The following TBX2 variants were observed in gnomAD, a reference collection of about 807,000 sequenced individuals.
The protein encoded by TBX2 is T-box transcription factor TBX2.
A neutral mutation model predicts 48.4 loss-of-function variants in TBX2; 19 were observed. That is an observed-to-expected ratio of 0.39 (90% CI 0.27 to 0.58). The LOEUF is 0.58. Ranked by LOEUF, TBX2 falls within the 20% of genes least tolerant of loss-of-function variation. The probability of loss-of-function intolerance (pLI) is 0.54; values close to 1 mark genes in which losing one functional copy is unlikely to be tolerated. For missense variants in TBX2, 994 were observed against 1,006.5 expected (o/e 0.99, Z 0.17); for synonymous variants, 522 against 459.7 (o/e 1.14, Z -1.73).
rs1231627362 is a variant in TBX2, at chr17:61,408,315, G to A, written c.1948G>A (p.Gly650Ser). The A allele has an allele frequency of 8.7e-6, 14 of 1,611,190 alleles. No homozygotes were observed. Among genetic ancestry groups the A allele is most frequent in the Non-Finnish European group, 1.2e-5 (14 of 1,179,352 alleles). ...GLASEGSKAA[G>S]GNSREPSPLP... is the part of the protein sequence containing the mutation. Reference sequence around the variant, plus strand: ...GGCCTCTGAGGGCTCCAAGGCCGCTGGTGGAAACAGCCGGGAGCCTAGCCC... The same window carrying A: ...GGCCTCTGAGGGCTCCAAGGCCGCTAGTGGAAACAGCCGGGAGCCTAGCCC... Residue 650 changes from glycine to serine, a missense_variant, in exon 7 of 7, where the codon GGT (glycine) becomes AGT (serine). This residue lies in a region of TBX2 where 639 missense variants were observed against 613.2 expected (regional missense o/e 1.04). Transcript: ENST00000240328.
chr17:61,408,523 TC>T lies in TBX2; in HGVS notation c.*21del, dbSNP rs1009042266. 3.8e-5 allele frequency: 55 copies of T among 1,431,812 alleles called. No homozygotes were observed. Among genetic ancestry groups the T allele is most frequent in the Middle Eastern group, 2.5e-4 (1 of 3,950 alleles). The allele number at this position is 1,431,812 out of a possible 1,614,324, so 88.7% of individuals were successfully genotyped here. ...CCCAAGTGAGGGGCTGCCCAGCTGC[TC>T]CCCTGCCACGCAGGCCACCCGGGCT... On this transcript the variant is annotated 3_prime_UTR_variant, in exon 7 of 7. Transcript: ENST00000240328.
Position 61,400,318 on chromosome 17 carries a change from C to T in TBX2, c.142C>T (p.Leu48=), listed in dbSNP as rs2060258838. The change falls in exon 1 of 7, where the codon CTG becomes TTG. Residue 48 remains leucine, a synonymous_variant. Transcript: ENST00000240328. This position sits in a 1 kb window ranked among gnomAD's most constrained non-coding sequence, Gnocchi z 9.2. Reference sequence around the variant, plus strand: ...GGCACTCGCGCTGCCGCCCGGCGCGCTGGCCAAGCCGCTGCCCGACCCGGG... The same window carrying T: ...GGCACTCGCGCTGCCGCCCGGCGCGTTGGCCAAGCCGCTGCCCGACCCGGG... ...FPALALPPGA[L]AKPLPDPGLA... 2 of 1,042,316 alleles carry T rather than the reference C, an allele frequency of 1.9e-6. No homozygotes were observed. Among genetic ancestry groups the T allele is most frequent in the Non-Finnish European group, 2.3e-6 (2 of 860,700 alleles). 64.6% of individuals were successfully genotyped at this position (1,042,316 alleles called of 1,614,324 possible).
At position 61,409,133 on chromosome 17, in the gene TBX2, G is replaced by A. The variant is rs534697115; in HGVS notation, c.*627G>A. On this transcript the variant is annotated 3_prime_UTR_variant, in exon 7 of 7. Coordinates refer to ENST00000240328, the MANE Select transcript of TBX2 (RefSeq NM_005994.4). ...GTAATTTGTGTAAATAAGCTTTAAG[G>A]TTCCCAGAATATGCAAATTGGTATT... The A allele has an allele frequency of 2.0e-5, 3 of 152,680 alleles. No individual in the cohort carries two copies. Among genetic ancestry groups the A allele is most frequent in the African/African-American group, 7.2e-5 (3 of 41,562 alleles). The allele number at this position is 152,680 out of a possible 1,614,324, so 9.5% of individuals were successfully genotyped here. A position where few individuals can be genotyped will look rare whatever the true frequency, so the allele number is the denominator to read the frequency against.
In TBX2 at chr17:61,400,319, TG is replaced by T; in HGVS notation, c.145del (p.Ala49ProfsTer59). 9.6e-7 allele frequency: 1 copy of T among 1,042,108 alleles called. No individual in the cohort carries two copies. The highest frequency in any genetic ancestry group is 4.2e-4 in the Middle Eastern group (1 of 2,408). The allele number at this position is 1,042,108 out of a possible 1,614,324, so 64.6% of individuals were successfully genotyped here. ...FPALALPPGA[L>X]AKPLPDPGLA... ...GCACTCGCGCTGCCGCCCGGCGCGC[TG>T]GCCAAGCCGCTGCCCGACCCGGGCC... On this transcript the variant is annotated frameshift_variant, in exon 1 of 7. Coordinates refer to ENST00000240328, the MANE Select transcript of TBX2 (RefSeq NM_005994.4). LOFTEE classifies it high-confidence loss of function. This position sits in a 1 kb window ranked among gnomAD's most constrained non-coding sequence, Gnocchi z 9.2.
Position 61,405,556 on chromosome 17 carries a change from C to A in TBX2, c.1406C>A (p.Ala469Asp), listed in dbSNP as rs2060285294. 1 of 1,596,858 alleles carries A rather than the reference C, an allele frequency of 6.3e-7. No individual in the cohort carries two copies. The highest frequency in any genetic ancestry group is 1.1e-5 in the South Asian group (1 of 88,840). ...PLGAGHLPGL[A>D]FSSHLHGQQF... is the part of the protein sequence containing the mutation. ...GGCGCCGGACACCTGCCCGGCCTGG[C>A]CTTTTCCAGCCACTTGCACGGGCAG... is the stretch of plus-strand genomic sequence containing the variant. The change falls in exon 6 of 7, where the codon GCC (alanine) becomes GAC (aspartate). Residue 469 changes from alanine (A) to aspartate (D), a missense_variant. Physicochemically the swap from Ala to Asp is moderately radical, Grantham distance 126. Coordinates refer to ENST00000240328, the MANE Select transcript of TBX2 (RefSeq NM_005994.4).
Position 61,403,297 on chromosome 17 carries a change from C to G in TBX2, c.810+90C>G, listed in dbSNP as rs995440544. On this transcript the variant is annotated intron_variant, in intron 3 of 6. Transcript: ENST00000240328. This position sits in a 1 kb window ranked among gnomAD's most constrained non-coding sequence, Gnocchi z 5.8. ...CGTCCGTTCATCGCCCCTCGAAGCCCCCTGCACGGGATCCGCGCTCTTGCG... is the reference window on the plus strand; with the variant it reads ...CGTCCGTTCATCGCCCCTCGAAGCCGCCTGCACGGGATCCGCGCTCTTGCG... 5 of 1,545,014 alleles carry G rather than the reference C, an allele frequency of 3.2e-6. No homozygotes were observed. The highest frequency in any genetic ancestry group is 4.3e-6 in the Non-Finnish European group (5 of 1,153,846).
At position 61,405,863 on chromosome 17, in the gene TBX2, C is replaced by T. The variant is rs998102268; in HGVS notation, c.1686+27C>T. ...TAAGGCCTGTGACCCCGCGGCAGCGCCAGCGAGGGAGAAGGCCCAGGGAGC... is the reference window on the plus strand; with the variant it reads ...TAAGGCCTGTGACCCCGCGGCAGCGTCAGCGAGGGAGAAGGCCCAGGGAGC... On this transcript the variant is annotated intron_variant, in intron 6 of 6. Transcript: ENST00000240328. 9.3e-6 allele frequency: 12 copies of T among 1,286,876 alleles called. No individual in the cohort carries two copies. The Admixed American group carries it at 3.5e-4, about 38-fold the overall frequency. 79.7% of individuals were successfully genotyped at this position (1,286,876 alleles called of 1,614,324 possible). A position where few individuals can be genotyped will look rare whatever the true frequency, so the allele number is the denominator to read the frequency against.
In TBX2 at chr17:61,408,556, C is replaced by A; in HGVS notation, c.*50C>A. The stretch of plus-strand genomic sequence containing the variant: ...CACGCAGGCCACCCGGGCTGCCTGC[C>A]CCTGCTGCTTGGGACGTGTACAGCA... On this transcript the variant is annotated 3_prime_UTR_variant, in exon 7 of 7. Transcript: ENST00000240328. 4 of 1,413,564 alleles carry A rather than the reference C, an allele frequency of 2.8e-6. No homozygotes were observed. Among genetic ancestry groups the A allele is most frequent in the Non-Finnish European group, 3.7e-6 (4 of 1,081,426 alleles). 87.6% of individuals were successfully genotyped at this position (1,413,564 alleles called of 1,614,324 possible). A position where few individuals can be genotyped will look rare whatever the true frequency, so the allele number is the denominator to read the frequency against.
Position 61,405,232 on chromosome 17 carries a change from A to C in TBX2, c.1082A>C (p.Asp361Ala). 3 of 1,563,806 alleles carry C rather than the reference A, an allele frequency of 1.9e-6. No homozygotes were observed. Among genetic ancestry groups the C allele is most frequent in the Non-Finnish European group, 2.6e-6 (3 of 1,163,770 alleles). Residue 361 changes from aspartate (D) to alanine (A), a missense_variant, in exon 6 of 7, where the codon GAC (aspartate) becomes GCC (alanine). Asp to Ala is a moderately radical substitution (Grantham distance 126). Coordinates refer to ENST00000240328, the MANE Select transcript of TBX2 (RefSeq NM_005994.4). ...GAGAAGTCGTGCGCCGCGGACAGCG[A>C]CCCGGAGCCTGAGCGGTTGAGCGAG... Reference protein sequence around the residue: ...AEEKSCAADSDPEPERLSEER... With the variant: ...AEEKSCAADSAPEPERLSEER...
In TBX2 at chr17:61,401,918, G is replaced by A. The variant is rs150690901; in HGVS notation, c.630G>A (p.Lys210=). ...MAKPVAFHKL[K]LTNNISDKHG... Reference sequence around the variant, plus strand: ...AGCCTGTGGCCTTCCACAAGCTGAAGCTGACCAACAACATCTCTGACAAGC... The same window carrying A: ...AGCCTGTGGCCTTCCACAAGCTGAAACTGACCAACAACATCTCTGACAAGC... The change falls in exon 2 of 7, where the codon AAG becomes AAA. Residue 210 remains lysine (K), a synonymous_variant. Transcript: ENST00000240328. The A allele has an allele frequency of 2.1e-5, 34 of 1,609,352 alleles. No individual in the cohort carries two copies. The highest frequency in any genetic ancestry group is 1.1e-4 in the African/African-American group (8 of 74,996).
rs1453160330 is a variant in TBX2 at position 61,405,377 on chromosome 17, C to A, written c.1227C>A (p.Ala409=). 1.3e-6 allele frequency: 2 copies of A among 1,546,694 alleles called. No individual in the cohort carries two copies. ...RRSPERGKEP[A]ESGGDGPFGL... ...GTCCCGAGAGGGGCAAGGAGCCGGC[C>A]GAGAGCGGCGGGGACGGCCCGTTCG... Residue 409 remains alanine, a synonymous_variant, in exon 6 of 7, where the codon GCC becomes GCA. Coordinates refer to ENST00000240328, the MANE Select transcript of TBX2 (RefSeq NM_005994.4).
At position 61,409,376 on chromosome 17, in the gene TBX2, C is replaced by G. The variant is rs1186958690; in HGVS notation, c.*870C>G. ...CCGCCCGGGTTTGGCTCGCCCGGCC[C>G]GCGGGCTCCACCTCAGGTTTTCACT... On this transcript the variant is annotated 3_prime_UTR_variant, in exon 7 of 7. Coordinates refer to ENST00000240328, the MANE Select transcript of TBX2 (RefSeq NM_005994.4). 2.0e-5 allele frequency: 3 copies of G among 152,182 alleles called. No homozygotes were observed. Among genetic ancestry groups the G allele is most frequent in the Non-Finnish European group, 4.4e-5 (3 of 68,026 alleles). The allele number at this position is 152,182 out of a possible 1,614,324, so 9.4% of individuals were successfully genotyped here.
Position 61,406,293 on chromosome 17 carries a change from C to T in TBX2, c.1686+457C>T, listed in dbSNP as rs2060288832. ...GCCAGACAGACAAAGGGAGAAGGAA[C>T]ATTTGCATTATTTTCTGGACAGTTG... is the stretch of plus-strand genomic sequence containing the variant. On this transcript the variant is annotated intron_variant, in intron 6 of 6. Coordinates refer to ENST00000240328, the MANE Select transcript of TBX2 (RefSeq NM_005994.4). This position sits in a 1 kb window ranked among gnomAD's most constrained non-coding sequence, Gnocchi z 5.7. The T allele has an allele frequency of 6.4e-6, 1 of 157,480 alleles. No individual in the cohort carries two copies. Among genetic ancestry groups the T allele is most frequent in the African/African-American group, 2.4e-5 (1 of 41,692 alleles). The allele number at this position is 157,480 out of a possible 1,614,324, so 9.8% of individuals were successfully genotyped here. A position where few individuals can be genotyped will look rare whatever the true frequency, so the allele number is the denominator to read the frequency against.
Position 61,400,188 on chromosome 17 carries a change from G to A in TBX2, c.12G>A (p.Pro4=). The A allele has an allele frequency of 1.8e-6, 2 of 1,139,440 alleles. No individual in the cohort carries two copies. Among genetic ancestry groups the A allele is most frequent in the South Asian group, 2.0e-5 (1 of 50,148 alleles). 70.6% of individuals were successfully genotyped at this position (1,139,440 alleles called of 1,614,324 possible). ...GGCCGGATGTCCCGATGAGAGAGCC[G>A]GCGCTGGCGGCCAGCGCCATGGCTT... MRE[P]ALAASAMAYH... Residue 4 remains proline, a synonymous_variant, in exon 1 of 7, where the codon CCG becomes CCA. Coordinates refer to ENST00000240328, the MANE Select transcript of TBX2 (RefSeq NM_005994.4). The surrounding 1 kb of genome is among the most constrained non-coding windows in gnomAD (Gnocchi z 9.2).
In TBX2 at chr17:61,408,587, T is replaced by C; in HGVS notation, c.*81T>C. 3 of 1,267,106 alleles carry C rather than the reference T, an allele frequency of 2.4e-6. No homozygotes were observed. The highest frequency in any genetic ancestry group is 3.1e-6 in the Non-Finnish European group (3 of 976,676). 78.5% of individuals were successfully genotyped at this position (1,267,106 alleles called of 1,614,324 possible). A position where few individuals can be genotyped will look rare whatever the true frequency, so the allele number is the denominator to read the frequency against. ...TGCTTGGGACGTGTACAGCACAGAATGAGTATTTATTTAAATAAAGGAGAA... is the reference window on the plus strand; with the variant it reads ...TGCTTGGGACGTGTACAGCACAGAACGAGTATTTATTTAAATAAAGGAGAA... On this transcript the variant is annotated 3_prime_UTR_variant, in exon 7 of 7. Coordinates refer to ENST00000240328, the MANE Select transcript of TBX2 (RefSeq NM_005994.4).
chr17:61,403,300 T>C lies in TBX2; in HGVS notation c.810+93T>C, dbSNP rs2060272895. On this transcript the variant is annotated intron_variant, in intron 3 of 6. Coordinates refer to ENST00000240328, the MANE Select transcript of TBX2 (RefSeq NM_005994.4). This position sits in a 1 kb window ranked among gnomAD's most constrained non-coding sequence, Gnocchi z 5.8. ...CCGTTCATCGCCCCTCGAAGCCCCCTGCACGGGATCCGCGCTCTTGCGGCC... is the reference window on the plus strand; with the variant it reads ...CCGTTCATCGCCCCTCGAAGCCCCCCGCACGGGATCCGCGCTCTTGCGGCC... The C allele has an allele frequency of 1.3e-6, 2 of 1,541,734 alleles. No homozygotes were observed. Among genetic ancestry groups the C allele is most frequent in the Non-Finnish European group, 1.7e-6 (2 of 1,152,226 alleles).
In TBX2 at chr17:61,405,269, G is replaced by T; in HGVS notation, c.1119G>T (p.Gly373=). 3 of 1,567,546 alleles carry T rather than the reference G, an allele frequency of 1.9e-6. No individual in the cohort carries two copies. The highest frequency in any genetic ancestry group is 1.2e-5 in the South Asian group (1 of 86,302). Reference sequence around the variant, plus strand: ...AGCGGTTGAGCGAGGAGCGTGCGGGGGCGCCGCTAGGCCGCAGCCCGGCTC... The same window carrying T: ...AGCGGTTGAGCGAGGAGCGTGCGGGTGCGCCGCTAGGCCGCAGCCCGGCTC... ...EPERLSEERA[G]APLGRSPAPD... The change falls in exon 6 of 7, where the codon GGG becomes GGT. Residue 373 remains glycine (G), a synonymous_variant. Coordinates refer to ENST00000240328, the MANE Select transcript of TBX2 (RefSeq NM_005994.4).
chr17:61,402,976 G>GAGAGAGAGAGAGAGAGAGAGAGAGA, intron 2 of TBX2, 85 bp from the exon 3 acceptor site: 1 of 1,275,776 alleles, frequency 7.8e-7, no homozygotes, highest in Non-Finnish European at 1.1e-6. Flanking sequence ...GAGAGAAAGT[G>GAGAGAGAGAGAGAGAGAGAGAGAGA]GAGAGGAAGA....
At position 61,405,841 on chromosome 17, in the gene TBX2, G is replaced by A. The variant is rs368647415; in HGVS notation, c.1686+5G>A. ...CAGCACATGCTGGCATCTCAGGTAAGGCCTGTGACCCCGCGGCAGCGCCAG... is the reference window on the plus strand; with the variant it reads ...CAGCACATGCTGGCATCTCAGGTAAAGCCTGTGACCCCGCGGCAGCGCCAG... On this transcript the variant is annotated splice_donor_5th_base_variant and intron_variant, in intron 6 of 6. Coordinates refer to ENST00000240328, the MANE Select transcript of TBX2 (RefSeq NM_005994.4). 4.8e-4 allele frequency: 628 copies of A among 1,303,194 alleles called. 2 individuals carry two copies. In the African/African-American group the frequency reaches 8.8e-3, roughly 18 times the overall value. The allele number at this position is 1,303,194 out of a possible 1,614,324, so 80.7% of individuals were successfully genotyped here.
Sources: allele counts gnomAD v4.1 joint callset, GRCh38; gene constraint gnomAD v4.1.1; regional missense constraint gnomAD v4.1.1; non-coding constraint Gnocchi (gnomAD v3.1); transcripts MANE v1.5; gene names NCBI Gene and HGNC (gene_info 2026-07-23, HGNC 2026-07-21).